SGSM1: variants seen among roughly 807,000 people sequenced by gnomAD.
The protein encoded by SGSM1 is RUN and TBC1 domain containing 2.
SGSM1 carries 73 observed loss-of-function variants against 133.8 expected under a neutral mutation model. The observed-to-expected ratio is 0.55, with a 90% CI of 0.45 to 0.66. The LOEUF is 0.66. SGSM1 is among the 30% of genes least tolerant of loss of function. The pLI is 0.00. For synonymous variants in SGSM1, 563 were observed against 573.0 expected, an observed-to-expected ratio of 0.98 and a Z score of 0.25; for missense variants, 1,213 against 1,448.1, an observed-to-expected ratio of 0.84 and a Z score of 2.64.
At chr22:24,808,969 A>G (rs2147774733) in intron 2 of SGSM1, among the ~76,000 whole-genome samples, 1 of 152,320 alleles carries the variant, frequency 6.6e-6, no homozygotes, top group South Asian at 2.1e-4. Context: ...CCTTGGACAG[A>G]ATGTGTGGGC....
chr22:24,903,278 G>A (rs13433676), intron 20 of SGSM1, among the ~76,000 whole-genome samples: 15,126 of 151,324 alleles, frequency 0.1, 979 homozygotes, highest in South Asian at 0.22. Context: ...GTGCGATCTC[G>A]GCTCACTGCA....
chr22:24,818,667 G>A (rs779874579), intron 2 of SGSM1, among the ~76,000 whole-genome samples: 7 of 151,994 alleles, frequency 4.6e-5, no homozygotes, highest in South Asian at 2.1e-4. Flanking sequence ...GTGCCCAGGC[G>A]TGGATTAGGA....
intron 8 of SGSM1, among the ~76,000 whole-genome samples, chr22:24,857,946 G>C (rs1334969127): frequency 6.6e-6 from 1 of 152,076 alleles, no homozygotes; most frequent in African/African-American, 2.4e-5. Flanking sequence ...AGCATTTCTT[G>C]CAAGAATGTC....
intron 9 of SGSM1, among the ~76,000 whole-genome samples, chr22:24,861,213 C>G (rs1347510696): frequency 6.6e-6 from 1 of 151,142 alleles, no homozygotes; most frequent in Admixed American, 6.6e-5. Context: ...CTTAGCTGGG[C>G]ATGGTGGCGG....
Position 24,879,444 on chromosome 22 carries a change from C to T in SGSM1, c.1431-18C>T. ...GTTTGGATCTATTCTAAGCATCTCCCTCTTTCTCCACCTGCAGGGCTCCCC... is the reference window on the plus strand; with the variant it reads ...GTTTGGATCTATTCTAAGCATCTCCTTCTTTCTCCACCTGCAGGGCTCCCC... On this transcript the variant is annotated intron_variant, in intron 13 of 24. Transcript: ENST00000400358. The T allele has an allele frequency of 6.2e-7, 1 of 1,613,090 alleles. No homozygotes were observed. The highest frequency in any genetic ancestry group is 8.5e-7 in the Non-Finnish European group (1 of 1,179,570).
At position 24,882,275 on chromosome 22, in the gene SGSM1, G is replaced by T. The variant is rs1192175414; in HGVS notation, c.1496-1778G>T. ...TGTAGAGATGTGGTCTCACTATGTTGCCTAGGCTGGTCTTGAACTCCTGGG... is the reference window on the plus strand; with the variant it reads ...TGTAGAGATGTGGTCTCACTATGTTTCCTAGGCTGGTCTTGAACTCCTGGG... On this transcript the variant is annotated intron_variant, in intron 14 of 24. Coordinates refer to ENST00000400358, the MANE Select transcript of SGSM1 (RefSeq NM_001098497.3). Among the ~76,000 whole-genome samples, 3 of 152,126 alleles carry T rather than the reference G, an allele frequency of 2.0e-5. No individual in the cohort carries two copies. In the East Asian group the frequency reaches 5.8e-4, roughly 30 times the overall value.
chr22:24,920,639 C>T (rs1933973358), intron 24 of SGSM1, among the ~76,000 whole-genome samples: 1 of 152,010 alleles, frequency 6.6e-6, no homozygotes, highest in African/African-American at 2.4e-5. Context: ...ACTGTTATCA[C>T]TATTTAAAAA....
chr22:24,876,033 G>T (rs1162609263), intron 12 of SGSM1, among the ~76,000 whole-genome samples: 1 of 152,206 alleles, frequency 6.6e-6, no homozygotes, highest in Non-Finnish European at 1.5e-5. Flanking sequence ...CGTGATTTTA[G>T]GGAGTTGCTA....
intron 20 of SGSM1, among the ~76,000 whole-genome samples, chr22:24,903,210 T>A (rs1045864743): frequency 7.0e-6 from 1 of 143,724 alleles, no homozygotes; most frequent in Non-Finnish European, 1.5e-5. Context: ...TGAATGTACT[T>A]TTTTTTTTTT....
chr22:24,867,236 T>C, intron 10 of SGSM1, 76 bp downstream of exon 10: 2 of 1,433,582 alleles, frequency 1.4e-6, no homozygotes, highest in East Asian at 2.3e-5. Flanking sequence ...TGCCTATTCA[T>C]TAGCATCATG....
chr22:24,860,577 C>T (rs5760700), intron 9 of SGSM1, among the ~76,000 whole-genome samples: 5 of 151,996 alleles, frequency 3.3e-5, no homozygotes, highest in Non-Finnish European at 7.4e-5. Flanking sequence ...GCCCTGCCCT[C>T]GTGGCCATGA....
chr22:24,924,638 G>A lies in SGSM1; in HGVS notation c.*364G>A, dbSNP rs750721826. 3.1e-5 allele frequency: 8 copies of A among 260,514 alleles called. No individual in the cohort carries two copies. Among genetic ancestry groups the A allele is most frequent in the Non-Finnish European group, 5.9e-5 (8 of 134,994 alleles). 16.1% of individuals were successfully genotyped at this position (260,514 alleles called of 1,614,324 possible). A position where few individuals can be genotyped will look rare whatever the true frequency, so the allele number is the denominator to read the frequency against. On this transcript the variant is annotated 3_prime_UTR_variant, in exon 25 of 25. Transcript: ENST00000400358. ...AAACTGTCTTGTAAGATGAGACCTG[G>A]GGAGGAAACTTCTTTTTGGAAATTG...
intron 2 of SGSM1, among the ~76,000 whole-genome samples, chr22:24,840,114 T>A (rs1929704529): frequency 6.6e-6 from 1 of 151,936 alleles, no homozygotes; most frequent in Non-Finnish European, 1.5e-5. Context: ...AGCTAATTTT[T>A]TGTATTTTTT....
chr22:24,844,099 T>C (rs1468629689), intron 2 of SGSM1: 1 of 152,156 alleles, frequency 6.6e-6, no homozygotes, highest in Non-Finnish European at 1.5e-5. Context: ...TTAGAAAATG[T>C]TGATTGAGCA....
At chr22:24,911,377 C>T (rs531858666) in intron 21 of SGSM1, among the ~76,000 whole-genome samples, 16 of 150,336 alleles carry the variant, frequency 1.1e-4, no homozygotes, top group African/African-American at 1.5e-4. Context: ...CTGCAATCTC[C>T]GCCTCCCAGG....
chr22:24,847,193 A>G (rs751587196), intron 3 of SGSM1, among the ~76,000 whole-genome samples: 1 of 152,124 alleles, frequency 6.6e-6, no homozygotes, highest in Non-Finnish European at 1.5e-5. Context: ...TCATTCATTC[A>G]AAACAAAGTG....
intron 16 of SGSM1, among the ~76,000 whole-genome samples, chr22:24,891,554 A>G (rs1413044134): frequency 6.6e-6 from 1 of 152,176 alleles, no homozygotes; most frequent in East Asian, 1.9e-4. Flanking sequence ...TACTAGTGTG[A>G]GGCCCCTCCA....
chr22:24,910,795 G>C (rs1601986767), intron 21 of SGSM1, among the ~76,000 whole-genome samples: 1 of 151,864 alleles, frequency 6.6e-6, no homozygotes, highest in South Asian at 2.1e-4. Context: ...AAATACAAAA[G>C]TTAGCCAGGC....
At chr22:24,845,963 T>TTCTTTCTCTC (rs1175200454) in intron 3 of SGSM1, among the ~76,000 whole-genome samples, 3 of 129,684 alleles carry the variant, frequency 2.3e-5, no homozygotes, top group African/African-American at 8.0e-5. Context: ...CTTTCTTTCT[T>TTCTTTCTCTC]TCTTTCTTTC....
Sources: allele counts gnomAD v4.1 joint callset (sites outside exome capture counted in the v4.1 genomes callset), GRCh38; gene constraint gnomAD v4.1.1; transcripts MANE v1.5; gene names NCBI Gene and HGNC (gene_info 2026-07-23, HGNC 2026-07-21).